NRXN2: variants seen among roughly 807,000 people sequenced by gnomAD.
NRXN2 encodes neurexin-2-beta.
In NRXN2, 29 loss-of-function variants were observed where a neutral mutation model predicts 128.8. The observed-to-expected ratio is 0.23, with a 90% CI of 0.17 to 0.31. NRXN2 has a LOEUF of 0.31. Among genes scored for constraint, NRXN2 ranks in the 10% least tolerant of loss-of-function variants. NRXN2 has a pLI of 1.00. For synonymous variants in NRXN2, 1,098 were observed against 1,075.2 expected, an observed-to-expected ratio of 1.02 and a Z score of -0.41; for missense variants, 1,881 against 2,452.6, an observed-to-expected ratio of 0.77 and a Z score of 4.92.
At chr11:64,668,719 A>T (rs1470141143) in intron 7 of NRXN2, 115 bp from the exon 8 acceptor site, 11 of 1,083,454 alleles carry the variant, frequency 1.0e-5, no homozygotes, top group Non-Finnish European at 1.5e-5. Flanking sequence ...GGGGACCCCC[A>T]TTTTTATGTC....
intron 15 of NRXN2, among the ~76,000 whole-genome samples, chr11:64,649,940 G>A (rs1478797936): frequency 1.3e-5 from 2 of 151,982 alleles, no homozygotes; most frequent in Admixed American, 6.6e-5. Flanking sequence ...CCTGGGGAAT[G>A]TGGCACCCTG....
chr11:64,664,814 AC>A (rs1417260463), intron 9 of NRXN2, among the ~76,000 whole-genome samples: 1 of 148,608 alleles, frequency 6.7e-6, no homozygotes, highest in Non-Finnish European at 1.5e-5. Context: ...ACACAGTGAA[AC>A]CCCGTCTCCA....
chr11:64,636,960 G>T (rs1286031953), intron 17 of NRXN2, among the ~76,000 whole-genome samples: 1 of 152,104 alleles, frequency 6.6e-6, no homozygotes, highest in Non-Finnish European at 1.5e-5. Context: ...TGAGTGCTTT[G>T]GGGGGAGCCA....
At chr11:64,679,748 G>C (rs2051916592) in intron 6 of NRXN2, among the ~76,000 whole-genome samples, 1 of 152,176 alleles carries the variant, frequency 6.6e-6, no homozygotes, top group East Asian at 1.9e-4. Flanking sequence ...CAGGGTTGGA[G>C]TAGATGAGAT....
chr11:64,714,782 G>A lies in NRXN2; in HGVS notation c.-244-839C>T, dbSNP rs528349093. ...GATTGGGGGAGCCACCAGGAGGCAGGCAGGCTCATTTGCATAAAATTGCCT... is the reference window on the plus strand; with the variant it reads ...GATTGGGGGAGCCACCAGGAGGCAGACAGGCTCATTTGCATAAAATTGCCT... On this transcript the variant is annotated intron_variant, in intron 1 of 22. Transcript: ENST00000265459. The surrounding 1 kb of genome is among the most constrained non-coding windows in gnomAD (Gnocchi z 4.5). Among the ~76,000 whole-genome samples, 2 of 152,008 alleles carry A rather than the reference G, an allele frequency of 1.3e-5. No individual in the cohort carries two copies. Among genetic ancestry groups the A allele is most frequent in the Non-Finnish European group, 2.9e-5 (2 of 68,016 alleles).
At chr11:64,692,916 G>A (rs537982453) in intron 3 of NRXN2, 40 bp from the exon 4 acceptor site, 2 of 1,542,408 alleles carry the variant, frequency 1.3e-6, no homozygotes, top group Admixed American at 1.7e-5. Flanking sequence ...AAGAAAAAAA[G>A]AAGAAGAAAA....
Position 64,626,663 on chromosome 11 carries a change from G to A in NRXN2, c.3758-111C>T, listed in dbSNP as rs1296195844. On this transcript the variant is annotated intron_variant, in intron 19 of 22. Coordinates refer to ENST00000265459, the MANE Select transcript of NRXN2 (RefSeq NM_015080.4). ...CTCAGAGTAAGCAGCAACATCCACG[G>A]AAAGAGGGGAAGGGAGGAAAAGAAA... 3 of 819,118 alleles carry A rather than the reference G, an allele frequency of 3.7e-6. No individual in the cohort carries two copies. In the African/African-American group the frequency reaches 5.0e-5, roughly 14 times the overall value. The allele number at this position is 819,118 out of a possible 1,614,324, so 50.7% of individuals were successfully genotyped here.
intron 17 of NRXN2, among the ~76,000 whole-genome samples, chr11:64,641,140 G>A (rs796475913): frequency 2.0e-5 from 3 of 152,054 alleles, no homozygotes; most frequent in Admixed American, 6.5e-5. Context: ...GATGGGAGGC[G>A]ACGGACATGG....
intron 17 of NRXN2, among the ~76,000 whole-genome samples, chr11:64,647,239 ATGTGTGTGTGCGTGCC>A (rs1171530692): frequency 7.0e-6 from 1 of 143,196 alleles, no homozygotes; most frequent in Non-Finnish European, 1.5e-5. Flanking sequence ...GTGTGTGTGC[ATGTGTGTGTGCGTGCC>A]TGTGTGTGTT....
intron 17 of NRXN2, among the ~76,000 whole-genome samples, chr11:64,641,403 A>G (rs894201065): frequency 1.3e-5 from 2 of 152,176 alleles, no homozygotes; most frequent in African/African-American, 4.8e-5. Flanking sequence ...TGCAAGTGAC[A>G]GAAGTCCTGA....
chr11:64,616,964 A>C (rs117513245), intron 22 of NRXN2, among the ~76,000 whole-genome samples: 1 of 152,286 alleles, frequency 6.6e-6, no homozygotes, highest in East Asian at 1.9e-4. Flanking sequence ...AAGAGTTGGT[A>C]GCTCTGAGTG....
chr11:64,611,783 A>G (rs565520346), intron 22 of NRXN2, among the ~76,000 whole-genome samples: 8 of 151,388 alleles, frequency 5.3e-5, no homozygotes, highest in Non-Finnish European at 1.2e-4. Context: ...CCTGGTCTCC[A>G]TATCTGGGTC....
At chr11:64,649,519 G>A (rs1198230652) in intron 15 of NRXN2, among the ~76,000 whole-genome samples, 2 of 152,166 alleles carry the variant, frequency 1.3e-5, no homozygotes, top group Non-Finnish European at 2.9e-5. Flanking sequence ...CCCTGGCCAC[G>A]GGCTCAGTAC....
chr11:64,692,892 G>T lies in NRXN2; in HGVS notation c.749-16C>A. 1 of 1,604,920 alleles carries T rather than the reference G, an allele frequency of 6.2e-7. No homozygotes were observed. The highest frequency in any genetic ancestry group is 8.5e-7 in the Non-Finnish European group (1 of 1,172,888). On this transcript the variant is annotated splice_polypyrimidine_tract_variant and intron_variant, in intron 3 of 22. Coordinates refer to ENST00000265459, the MANE Select transcript of NRXN2 (RefSeq NM_015080.4). ...TGAGCCGGACCTTGGAAAGGGGAAG[G>T]AGAGAAAGAAAGAAAGAAAAAAAGA...
intron 2 of NRXN2, among the ~76,000 whole-genome samples, chr11:64,701,954 G>A (rs2055473531): frequency 1.4e-5 from 2 of 147,086 alleles, no homozygotes; most frequent in Non-Finnish European, 3.0e-5. Context: ...GAGGGAGGTG[G>A]GGGGGTCAGC....
chr11:64,651,978 AG>A lies in NRXN2; in HGVS notation c.2536+56del. On this transcript the variant is annotated intron_variant, in intron 13 of 22. Transcript: ENST00000265459. This position sits in a 1 kb window ranked among gnomAD's most constrained non-coding sequence, Gnocchi z 5.9. ...CCAGGCAGTAGTCACCAAGTAGAAC[AG>A]GGCCAAGCATAGGTCACTGGAGATG... The A allele has an allele frequency of 6.2e-7, 1 of 1,602,930 alleles. No homozygotes were observed. Among genetic ancestry groups the A allele is most frequent in the Non-Finnish European group, 8.5e-7 (1 of 1,179,486 alleles).
In NRXN2 at chr11:64,713,706, G is replaced by C. The variant is rs2057176731; in HGVS notation, c.-7C>G. 1 of 1,078,868 alleles carries C rather than the reference G, an allele frequency of 9.3e-7. No homozygotes were observed. The highest frequency in any genetic ancestry group is 1.1e-6 in the Non-Finnish European group (1 of 892,780). 66.8% of individuals were successfully genotyped at this position (1,078,868 alleles called of 1,614,324 possible). A position where few individuals can be genotyped will look rare whatever the true frequency, so the allele number is the denominator to read the frequency against. ...ACCGGCTCCCGGACGCCATGCCTACGGCGGCCCCGGCCCCGCCCGGCCCCC... is the reference window on the plus strand; with the variant it reads ...ACCGGCTCCCGGACGCCATGCCTACCGCGGCCCCGGCCCCGCCCGGCCCCC... On this transcript the variant is annotated 5_prime_UTR_variant, in exon 2 of 23. Transcript: ENST00000265459.
chr11:64,703,568 T>A (rs760546343), intron 2 of NRXN2, among the ~76,000 whole-genome samples: 7 of 152,228 alleles, frequency 4.6e-5, no homozygotes, highest in African/African-American at 9.6e-5. Context: ...AAGGTTCTGA[T>A]CTTATCTACC....
intron 22 of NRXN2, among the ~76,000 whole-genome samples, chr11:64,611,894 C>T (rs533960964): frequency 1.3e-5 from 2 of 151,794 alleles, no homozygotes; most frequent in African/African-American, 4.8e-5. Flanking sequence ...CCTCCCCTCA[C>T]CCACACCCCC....
Sources: gnomAD v4.1 joint callset for allele counts (sites outside exome capture counted in the v4.1 genomes callset) on GRCh38, gnomAD v4.1.1 for gene constraint, Gnocchi (gnomAD v3.1) non-coding constraint, MANE v1.5 for transcripts, NCBI Gene and HGNC (gene_info 2026-07-23, HGNC 2026-07-21) for gene names.